Variants in DLG2 observed in about 807,000 individuals in gnomAD.
DLG2 encodes the protein discs large MAGUK scaffold protein 2.
Under a neutral mutation model 132.5 loss-of-function variants are expected in DLG2, and 45 were observed. The observed-to-expected ratio is 0.34, with a 90% CI of 0.27 to 0.44. DLG2 has a LOEUF of 0.44. Among genes scored for constraint, DLG2 ranks in the 20% least tolerant of loss-of-function variants. The pLI, the probability that DLG2 is intolerant of heterozygous loss-of-function variation, is 1.00. For synonymous variants in DLG2, 424 were observed against 419.6 expected (o/e 1.01, Z -0.13); for missense variants, 1,045 against 1,196.9 (o/e 0.87, Z 1.87).
rs370654080 is a variant in DLG2 at position 85,578,861 on chromosome 11, C to T, written c.40+19796G>A. Among the ~76,000 whole-genome samples the T allele has an allele frequency of 5.9e-5, 9 of 152,278 alleles. No homozygotes were observed. The East Asian group carries it at 1.3e-3, about 23-fold the overall frequency. ...ACATAAAGACAGAAATACCATTTGA[C>T]GTAGCAATCTCATTACTGGGTATAT... is the stretch of plus-strand genomic sequence containing the variant. On this transcript the variant is annotated intron_variant, in intron 3 of 27. Transcript: ENST00000376104.
intron 6 of DLG2, among the ~76,000 whole-genome samples, chr11:85,087,947 T>C (rs892544153): frequency 6.7e-6 from 1 of 149,920 alleles, no homozygotes; most frequent in African/African-American, 2.5e-5. Flanking sequence ...GACATTAAAA[T>C]GTTTTAAGAA....
intron 3 of DLG2, among the ~76,000 whole-genome samples, chr11:85,401,931 A>T (rs1284561261): frequency 6.6e-6 from 1 of 152,132 alleles, no homozygotes; most frequent in Non-Finnish European, 1.5e-5. Context: ...TAATTTATAG[A>T]TTCAATGCCA....
chr11:85,260,358 A>T (rs2076879265), intron 4 of DLG2, among the ~76,000 whole-genome samples: 1 of 152,222 alleles, frequency 6.6e-6, no homozygotes, highest in Non-Finnish European at 1.5e-5. Flanking sequence ...TAACATAATG[A>T]AATTGATTGT....
At chr11:83,759,810 C>T (rs917059393) in intron 18 of DLG2, among the ~76,000 whole-genome samples, 5 of 152,098 alleles carry the variant, frequency 3.3e-5, no homozygotes, top group Non-Finnish European at 7.4e-5. Flanking sequence ...AGGAGAAGTC[C>T]TATAGGTTCT....
chr11:85,064,654 T>A (rs1242666115), intron 6 of DLG2, among the ~76,000 whole-genome samples: 1 of 151,718 alleles, frequency 6.6e-6, no homozygotes, highest in East Asian at 1.9e-4. Flanking sequence ...ACCAAGCTGT[T>A]TGGTCAAACA....
chr11:84,223,556 C>CTTTT (rs5793116), intron 8 of DLG2, among the ~76,000 whole-genome samples: 1 of 131,578 alleles, frequency 7.6e-6, no homozygotes, highest in Non-Finnish European at 1.6e-5. Context: ...ATTTATGTGA[C>CTTTT]TTTTTTTTTT....
chr11:84,638,879 A>G (rs931338958), intron 6 of DLG2, among the ~76,000 whole-genome samples: 2 of 152,208 alleles, frequency 1.3e-5, no homozygotes, highest in East Asian at 3.8e-4. Context: ...GTAACAATTC[A>G]TACCTTCATT....
chr11:85,134,391 T>A (rs974578085), intron 5 of DLG2, among the ~76,000 whole-genome samples: 2 of 148,646 alleles, frequency 1.3e-5, no homozygotes, highest in Admixed American at 1.3e-4. Flanking sequence ...TAGCCGGGCG[T>A]AGTGGCGGGC....
At chr11:83,778,251 A>C (rs1018883818) in intron 18 of DLG2, among the ~76,000 whole-genome samples, 2 of 152,086 alleles carry the variant, frequency 1.3e-5, no homozygotes, top group African/African-American at 4.8e-5. Context: ...ATCTGTGTTC[A>C]TTTTGTAATA....
intron 6 of DLG2, among the ~76,000 whole-genome samples, chr11:84,678,867 C>G (rs2153703694): frequency 6.6e-6 from 1 of 152,108 alleles, no homozygotes; most frequent in Non-Finnish European, 1.5e-5. Context: ...TTCTAAATCT[C>G]AGATTTTTAA....
chr11:84,050,275 G>A (rs779873158), intron 11 of DLG2, among the ~76,000 whole-genome samples: 13 of 151,352 alleles, frequency 8.6e-5, no homozygotes, highest in Admixed American at 6.6e-5. Flanking sequence ...ATTATAGTAC[G>A]CCAGATAAGA....
intron 3 of DLG2, among the ~76,000 whole-genome samples, chr11:85,321,132 T>C (rs2081039046): frequency 6.6e-6 from 1 of 151,932 alleles, no homozygotes; most frequent in Non-Finnish European, 1.5e-5. Context: ...GACAAAGTGA[T>C]GAAAAAATAT....
chr11:85,470,933 C>T (rs1202838704), intron 3 of DLG2, among the ~76,000 whole-genome samples: 11 of 152,136 alleles, frequency 7.2e-5, no homozygotes, highest in Admixed American at 7.2e-4. Flanking sequence ...CATTGTAAAT[C>T]CAGACGCAAC....
At chr11:84,671,022 G>T (rs1000086616) in intron 6 of DLG2, among the ~76,000 whole-genome samples, 2 of 151,922 alleles carry the variant, frequency 1.3e-5, no homozygotes, top group Non-Finnish European at 2.9e-5. Context: ...ACCCTGTGGG[G>T]TAAGAAGACA....
chr11:84,977,677 C>T (rs539906525), intron 6 of DLG2, among the ~76,000 whole-genome samples: 2 of 152,232 alleles, frequency 1.3e-5, no homozygotes, highest in Admixed American at 6.5e-5. Context: ...TCAATTGTGT[C>T]CTTAAGTGTT....
intron 15 of DLG2, among the ~76,000 whole-genome samples, chr11:83,910,053 T>C (rs1478301200): frequency 6.6e-6 from 1 of 152,158 alleles, no homozygotes; most frequent in African/African-American, 2.4e-5. Flanking sequence ...CTGAGTCTTT[T>C]GTTAGTCATT....
At position 83,924,509 on chromosome 11, in the gene DLG2, G is replaced by A. The variant is rs541134755; in HGVS notation, c.1496+5819C>T. 5.3e-5 allele frequency among the ~76,000 whole-genome samples: 8 copies of A among 152,246 alleles called. No homozygotes were observed. The East Asian group carries it at 1.5e-3, about 29-fold the overall frequency. ...AGCCTTAATGAAAACAAAATGGCAT[G>A]TTGTAAAATACTTAGATCTCTATAA... On this transcript the variant is annotated intron_variant, in intron 15 of 27. Transcript: ENST00000376104.
At chr11:85,392,065 G>C (rs1258643565) in intron 3 of DLG2, among the ~76,000 whole-genome samples, 1 of 152,018 alleles carries the variant, frequency 6.6e-6, no homozygotes, top group Non-Finnish European at 1.5e-5. Context: ...GAAGCTCCTA[G>C]AACTGGCAAA....
intron 7 of DLG2, among the ~76,000 whole-genome samples, chr11:84,324,423 G>C (rs188872617): frequency 5.9e-5 from 9 of 152,068 alleles, no homozygotes; most frequent in Admixed American, 5.9e-4. Context: ...GTCCAGCTTA[G>C]TGCCATAGTG....
Sources: gnomAD v4.1 joint callset for allele counts (sites outside exome capture counted in the v4.1 genomes callset) on GRCh38, gnomAD v4.1.1 for gene constraint, MANE v1.5 for transcripts, NCBI Gene and HGNC (gene_info 2026-07-23, HGNC 2026-07-21) for gene names.